The following MCTP2 variants were observed in gnomAD, a reference collection of about 807,000 sequenced individuals.
MCTP2 encodes the protein multiple C2 and transmembrane domain containing 2.
In MCTP2, 132 loss-of-function variants were observed where a neutral mutation model predicts 111.6. That is an observed-to-expected ratio of 1.18 (90% CI 1.03 to 1.37). The LOEUF is 1.37. Among genes scored for constraint, MCTP2 ranks in the 40% most tolerant of loss-of-function variants. The pLI is 0.00. For synonymous variants in MCTP2, 395 were observed against 387.7 expected, an observed-to-expected ratio of 1.02 and a Z score of -0.22; for missense variants, 1,183 against 1,067.9, an observed-to-expected ratio of 1.11 and a Z score of -1.50.
At chr15:94,441,689 T>C (rs1596722740) in intron 18 of MCTP2, among the ~76,000 whole-genome samples, 1 of 152,370 alleles carries the variant, frequency 6.6e-6, no homozygotes, top group East Asian at 1.9e-4. Context: ...TTTCATTTTA[T>C]GTCTTATGAA....
At chr15:94,313,923 A>AGGCTGGGGGCCG (rs1258828920) in intron 2 of MCTP2, among the ~76,000 whole-genome samples, 1 of 152,152 alleles carries the variant, frequency 6.6e-6, no homozygotes, top group African/African-American at 2.4e-5. Context: ...TTCACATCGG[A>AGGCTGGGGGCCG]GGCTGGGGGC....
intron 18 of MCTP2, among the ~76,000 whole-genome samples, chr15:94,440,652 TG>T (rs1290688365): frequency 1.3e-5 from 2 of 152,186 alleles, no homozygotes; most frequent in African/African-American, 4.8e-5. Context: ...GGGCCATTGC[TG>T]GGCATGCAGA....
chr15:94,390,087 T>C (rs1348656221), intron 14 of MCTP2, among the ~76,000 whole-genome samples: 118 of 8,376 alleles, frequency 0.014, 3 homozygotes, highest in Middle Eastern at 0.056. Flanking sequence ...TATATATATA[T>C]ATGTATATAT....
chr15:94,298,797 CCT>C (rs1262617673), intron 2 of MCTP2, 67 bp downstream of exon 2: 4 of 1,017,746 alleles, frequency 3.9e-6, no homozygotes, highest in Non-Finnish European at 5.5e-6. Flanking sequence ...TCTCTTTCTC[CCT>C]CTCTCCCCAT....
chr15:94,462,196 C>G (rs1275462031), intron 20 of MCTP2, among the ~76,000 whole-genome samples: 1 of 152,062 alleles, frequency 6.6e-6, no homozygotes, highest in East Asian at 1.9e-4. Context: ...ATACCTGCAC[C>G]CACCTTCTGG....
intron 2 of MCTP2, 67 bp downstream of exon 2, chr15:94,298,797 CCTCT>C: frequency 9.8e-7 from 1 of 1,017,824 alleles, no homozygotes; most frequent in Non-Finnish European, 1.4e-6. Flanking sequence ...TCTCTTTCTC[CCTCT>C]CTCCCCATCT....
intron 12 of MCTP2, among the ~76,000 whole-genome samples, chr15:94,382,478 A>C (rs1027496062): frequency 6.6e-6 from 1 of 152,282 alleles, no homozygotes; most frequent in Non-Finnish European, 1.5e-5. Context: ...CGAGGAATCT[A>C]AGTGTCCAGG....
At chr15:94,361,556 C>T (rs1413293744) in intron 10 of MCTP2, among the ~76,000 whole-genome samples, 1 of 152,186 alleles carries the variant, frequency 6.6e-6, no homozygotes, top group East Asian at 1.9e-4. Context: ...TGTTTATTCC[C>T]TTGCGCACTC....
Position 94,440,156 on chromosome 15 carries a change from C to A in MCTP2, c.2086-20C>A. 1 of 1,611,952 alleles carries A rather than the reference C, an allele frequency of 6.2e-7. No individual in the cohort carries two copies. The highest frequency in any genetic ancestry group is 2.2e-5 in the East Asian group (1 of 44,812). The stretch of plus-strand genomic sequence containing the variant: ...GTGTTTTATCAAGCAGTCGTGTATT[C>A]TTATTTGTCTTTCAATCAGGTATTT... On this transcript the variant is annotated intron_variant, in intron 17 of 22. Coordinates refer to ENST00000357742, the MANE Select transcript of MCTP2 (RefSeq NM_001385001.1).
chr15:94,246,640 G>C (rs906981312), intron 1 of MCTP2, among the ~76,000 whole-genome samples: 8 of 152,172 alleles, frequency 5.3e-5, no homozygotes, highest in African/African-American at 1.9e-4. Context: ...TGATTTGGAT[G>C]TTTTTAATCA....
chr15:94,368,444 A>G (rs990044913), intron 11 of MCTP2, among the ~76,000 whole-genome samples: 9 of 152,144 alleles, frequency 5.9e-5, no homozygotes, highest in African/African-American at 2.2e-4. Flanking sequence ...GTATAAATCA[A>G]TATGTTTATT....
At chr15:94,348,496 C>G (rs887058392) in intron 8 of MCTP2, among the ~76,000 whole-genome samples, 1 of 2,610 alleles carries the variant, frequency 3.8e-4, no homozygotes, top group African/African-American at 1.8e-3. Flanking sequence ...CTGTCTTCCT[C>G]TCTCTCTCAA....
At chr15:94,270,055 A>G (rs192998896) in intron 1 of MCTP2, among the ~76,000 whole-genome samples, 19 of 152,254 alleles carry the variant, frequency 1.2e-4, no homozygotes, top group African/African-American at 3.9e-4. Context: ...GGTTCCAGCT[A>G]GTGGACGTTA....
intron 14 of MCTP2, among the ~76,000 whole-genome samples, chr15:94,390,084 A>ACG (rs1567602658): frequency 0.3 from 5,673 of 19,162 alleles, 409 homozygotes; most frequent in Non-Finnish European, 0.4. Context: ...ATATATATAT[A>ACG]TATATGTATA....
chr15:94,271,720 T>G (rs1382390680), intron 1 of MCTP2, among the ~76,000 whole-genome samples: 4 of 152,216 alleles, frequency 2.6e-5, no homozygotes, highest in African/African-American at 9.6e-5. Flanking sequence ...GATGATTTCT[T>G]TAAAATATTT....
intron 2 of MCTP2, among the ~76,000 whole-genome samples, chr15:94,309,491 A>G (rs10520746): frequency 0.24 from 36,390 of 152,116 alleles, 5,871 homozygotes; most frequent in African/African-American, 0.44. Flanking sequence ...GTGACTGCTT[A>G]CCTAATTTTT....
intron 4 of MCTP2, among the ~76,000 whole-genome samples, chr15:94,320,051 A>G (rs2076554907): frequency 6.6e-6 from 1 of 152,198 alleles, no homozygotes; most frequent in Non-Finnish European, 1.5e-5. Flanking sequence ...ACCTTTATAA[A>G]ACATATACCT....
chr15:94,263,046 C>T (rs1007229982), intron 1 of MCTP2, among the ~76,000 whole-genome samples: 1 of 152,146 alleles, frequency 6.6e-6, no homozygotes, highest in Non-Finnish European at 1.5e-5. Context: ...GAACAGATCA[C>T]TGCTCTGGTG....
intron 12 of MCTP2, among the ~76,000 whole-genome samples, chr15:94,382,654 A>G (rs2080210648): frequency 6.6e-6 from 1 of 152,268 alleles, no homozygotes; most frequent in South Asian, 2.1e-4. Context: ...TAAGCGAATT[A>G]GATGGAGGTT....
Sources: allele counts gnomAD v4.1 joint callset (sites outside exome capture counted in the v4.1 genomes callset), GRCh38; gene constraint gnomAD v4.1.1; transcripts MANE v1.5; gene names NCBI Gene and HGNC (gene_info 2026-07-23, HGNC 2026-07-21).